Variants in NKAIN3 observed in about 807,000 individuals in gnomAD.
NKAIN3 encodes the protein sodium/potassium transporting ATPase interacting 3.
NKAIN3 carries 25 observed loss-of-function variants against 30.2 expected under a neutral mutation model. The ratio of observed to expected loss-of-function variants is 0.83; its 90% confidence interval spans 0.60 to 1.16. NKAIN3 has a LOEUF of 1.16. Among genes scored for constraint, NKAIN3 ranks in the 50% most tolerant of loss-of-function variants. The pLI, the probability that NKAIN3 is intolerant of heterozygous loss-of-function variation, is 0.00. For synonymous variants in NKAIN3, 91 were observed against 89.6 expected, an observed-to-expected ratio of 1.02 and a Z score of -0.09; for missense variants, 225 against 254.1, an observed-to-expected ratio of 0.89 and a Z score of 0.78.
chr8:62,293,047 C>T (rs766749467), intron 1 of NKAIN3, among the ~76,000 whole-genome samples: 3 of 152,114 alleles, frequency 2.0e-5, no homozygotes, highest in Admixed American at 6.5e-5. Context: ...GTGCATGCAT[C>T]GTGTAGTTCT....
intron 1 of NKAIN3, among the ~76,000 whole-genome samples, chr8:62,573,335 G>A (rs952238199): frequency 1.3e-5 from 2 of 152,072 alleles, no homozygotes; most frequent in African/African-American, 2.4e-5. Flanking sequence ...CATGAGCTAG[G>A]GTTTCATTCC....
chr8:62,326,585 A>T (rs1006082971), intron 1 of NKAIN3, among the ~76,000 whole-genome samples: 1 of 151,776 alleles, frequency 6.6e-6, no homozygotes, highest in East Asian at 1.9e-4. Flanking sequence ...AATATGTAGA[A>T]TATAATGGGT....
At chr8:62,413,435 C>A (rs758447030) in intron 1 of NKAIN3, among the ~76,000 whole-genome samples, 12 of 152,104 alleles carry the variant, frequency 7.9e-5, no homozygotes, top group Non-Finnish European at 1.8e-4. Context: ...TTGGTTTTTG[C>A]CTGAGCCTCA....
intron 4 of NKAIN3, among the ~76,000 whole-genome samples, chr8:62,891,772 G>A (rs1821304036): frequency 6.6e-6 from 1 of 152,078 alleles, no homozygotes; most frequent in South Asian, 2.1e-4. Context: ...TATAGTTTCA[G>A]CCTTAAGAAT....
At chr8:62,958,387 A>G (rs1260644722) in intron 6 of NKAIN3, among the ~76,000 whole-genome samples, 4 of 151,990 alleles carry the variant, frequency 2.6e-5, no homozygotes, top group Admixed American at 2.0e-4. Flanking sequence ...TCTTACCACA[A>G]CTGCTATCGA....
At chr8:62,729,482 G>C (rs939127876) in intron 3 of NKAIN3, among the ~76,000 whole-genome samples, 2 of 152,002 alleles carry the variant, frequency 1.3e-5, no homozygotes, top group Non-Finnish European at 2.9e-5. Context: ...AAAACTAAAC[G>C]TACTCTTACC....
intron 4 of NKAIN3, among the ~76,000 whole-genome samples, chr8:62,865,431 T>C (rs1820387046): frequency 6.6e-6 from 1 of 152,204 alleles, no homozygotes; most frequent in South Asian, 2.1e-4. Context: ...ACATTTATTT[T>C]GCTTTGAAGT....
At chr8:62,808,927 G>A (rs573898795) in intron 4 of NKAIN3, among the ~76,000 whole-genome samples, 16 of 152,200 alleles carry the variant, frequency 1.1e-4, no homozygotes, top group African/African-American at 2.4e-4. Context: ...GGAGCGCTAC[G>A]GGAGACCAGG....
chr8:62,251,620 T>C (rs1003165321), intron 1 of NKAIN3, among the ~76,000 whole-genome samples: 2 of 152,244 alleles, frequency 1.3e-5, no homozygotes, highest in Admixed American at 6.5e-5. Context: ...TTAAAAATTA[T>C]TTCCTCAGTT....
At chr8:62,871,575 C>T (rs909380968) in intron 4 of NKAIN3, among the ~76,000 whole-genome samples, 1 of 152,166 alleles carries the variant, frequency 6.6e-6, no homozygotes, top group Non-Finnish European at 1.5e-5. Context: ...GTCTCCAGAA[C>T]TTATTCATTT....
intron 4 of NKAIN3, among the ~76,000 whole-genome samples, chr8:62,774,590 A>C (rs971315832): frequency 3.3e-5 from 5 of 152,064 alleles, no homozygotes; most frequent in Non-Finnish European, 7.4e-5. Flanking sequence ...TTCTTTACTC[A>C]GTTTTTTTAG....
At chr8:62,479,783 A>C (rs550369261) in intron 1 of NKAIN3, among the ~76,000 whole-genome samples, 71 of 152,120 alleles carry the variant, frequency 4.7e-4, no homozygotes, top group African/African-American at 1.6e-3. Flanking sequence ...CCCAGAGTAA[A>C]TGTCCAGAAG....
At chr8:62,925,144 T>G (rs971149052) in intron 5 of NKAIN3, among the ~76,000 whole-genome samples, 1 of 152,206 alleles carries the variant, frequency 6.6e-6, no homozygotes, top group Non-Finnish European at 1.5e-5. Flanking sequence ...TCTCTGAATC[T>G]GCACTCAACT....
chr8:62,702,959 G>T (rs1209887103), intron 3 of NKAIN3, among the ~76,000 whole-genome samples: 1 of 152,084 alleles, frequency 6.6e-6, no homozygotes, highest in African/African-American at 2.4e-5. Flanking sequence ...AAACCCACAG[G>T]GAATTATGCT....
chr8:62,276,810 T>G (rs1468180981), intron 1 of NKAIN3, among the ~76,000 whole-genome samples: 1 of 152,232 alleles, frequency 6.6e-6, no homozygotes, highest in African/African-American at 2.4e-5. Flanking sequence ...GGAATAGTTT[T>G]GTTTAAGTCA....
chr8:62,689,945 AAAATAAATAAATAAATAAAT>A (rs77511780), intron 3 of NKAIN3, among the ~76,000 whole-genome samples: 3 of 145,462 alleles, frequency 2.1e-5, no homozygotes, highest in Admixed American at 6.9e-5. Flanking sequence ...CACCGCACTG[AAAATAAATAAATAAATAAAT>A]AAATAAATAA....
chr8:62,678,696 GATAAT>G (rs961631468), intron 3 of NKAIN3, among the ~76,000 whole-genome samples: 6 of 148,938 alleles, frequency 4.0e-5, no homozygotes, highest in East Asian at 2.0e-4. Flanking sequence ...ATATTATATT[GATAAT>G]ATAATATAAT....
intron 4 of NKAIN3, among the ~76,000 whole-genome samples, chr8:62,901,451 A>C (rs1207402797): frequency 2.6e-5 from 4 of 152,092 alleles, no homozygotes; most frequent in African/African-American, 9.7e-5. Flanking sequence ...AAGAAAAAAG[A>C]AGAGAGAGAG....
At chr8:62,506,529 C>A (rs1213763107) in intron 1 of NKAIN3, among the ~76,000 whole-genome samples, 1 of 136,370 alleles carries the variant, frequency 7.3e-6, no homozygotes, top group Admixed American at 8.1e-5. Flanking sequence ...GGCTGGAGTG[C>A]AGTGGTGTGA....
Sources: gnomAD v4.1 joint callset for allele counts (sites outside exome capture counted in the v4.1 genomes callset) on GRCh38, gnomAD v4.1.1 for gene constraint, MANE v1.5 for transcripts, NCBI Gene and HGNC (gene_info 2026-07-23, HGNC 2026-07-21) for gene names.